The following MACROD2 variants were observed in gnomAD, a reference collection of about 807,000 sequenced individuals.
MACROD2 encodes the protein ADP-ribose glycohydrolase MACROD2.
In MACROD2, 36 loss-of-function variants were observed where a neutral mutation model predicts 70.4. The observed-to-expected ratio is 0.51, with a 90% CI of 0.39 to 0.68. The LOEUF (loss-of-function observed/expected upper bound fraction) is 0.68. Ranked by LOEUF, MACROD2 falls within the 30% of genes least tolerant of loss-of-function variation. The probability of loss-of-function intolerance (pLI) is 0.00; values close to 1 mark genes in which losing one functional copy is unlikely to be tolerated. For synonymous variants in MACROD2, 172 were observed against 178.8 expected (o/e 0.96, Z 0.30); for missense variants, 496 against 538.4 (o/e 0.92, Z 0.78).
chr20:14,934,886 G>A (rs746245862), intron 5 of MACROD2: 1 of 152,154 alleles, frequency 6.6e-6, no homozygotes, highest in East Asian at 1.9e-4. Context: ...TGACCTTTCA[G>A]TTGAAGACAG....
At chr20:15,046,884 A>C (rs1337476368) in intron 5 of MACROD2, among the ~76,000 whole-genome samples, 1 of 152,194 alleles carries the variant, frequency 6.6e-6, no homozygotes, top group Non-Finnish European at 1.5e-5. Context: ...GGAATTTATT[A>C]ATCTGGGCTG....
At chr20:14,324,429 C>T (rs2082702841) in intron 3 of MACROD2, 1 of 152,430 alleles carries the variant, frequency 6.6e-6, no homozygotes, top group Non-Finnish European at 1.5e-5. Flanking sequence ...CAGTAATGGG[C>T]AGTATTCTTG....
At chr20:15,970,455 A>G (rs1346581780) in intron 13 of MACROD2, among the ~76,000 whole-genome samples, 1 of 152,166 alleles carries the variant, frequency 6.6e-6, no homozygotes, top group East Asian at 1.9e-4. Context: ...TAAGATGAAG[A>G]GTAAAAGTAC....
intron 6 of MACROD2, among the ~76,000 whole-genome samples, chr20:15,318,303 G>A (rs2077836450): frequency 6.6e-6 from 1 of 152,070 alleles, no homozygotes; most frequent in Non-Finnish European, 1.5e-5. Context: ...AATTTGAACA[G>A]ATTTATATAA....
intron 3 of MACROD2, among the ~76,000 whole-genome samples, chr20:14,448,682 A>G (rs2084211494): frequency 6.6e-6 from 1 of 151,918 alleles, no homozygotes; most frequent in South Asian, 2.1e-4. Flanking sequence ...AAAAAAAAGA[A>G]AGAAAGAAAG....
intron 4 of MACROD2, among the ~76,000 whole-genome samples, chr20:14,503,765 G>T (rs1348156420): frequency 1.3e-5 from 2 of 152,162 alleles, no homozygotes; most frequent in Non-Finnish European, 2.9e-5. Context: ...CACACCAAAG[G>T]CCTCACACTT....
intron 3 of MACROD2, among the ~76,000 whole-genome samples, chr20:14,286,763 T>A (rs2082348239): frequency 6.6e-6 from 1 of 152,196 alleles, no homozygotes; most frequent in African/African-American, 2.4e-5. Context: ...CGAAATGCTC[T>A]GAAAGATGCT....
At chr20:14,859,024 T>C (rs2073285596) in intron 5 of MACROD2, among the ~76,000 whole-genome samples, 1 of 152,010 alleles carries the variant, frequency 6.6e-6, no homozygotes, top group South Asian at 2.1e-4. Context: ...AGGGCTTCAC[T>C]ATGATGATGC....
At chr20:15,933,439 C>A in intron 11 of MACROD2, 101 bp downstream of exon 11, 1 of 1,060,018 alleles carries the variant, frequency 9.4e-7, no homozygotes, top group Non-Finnish European at 1.4e-6. Flanking sequence ...ATACATTTCA[C>A]CAGATGAACT....
intron 4 of MACROD2, among the ~76,000 whole-genome samples, chr20:14,679,419 G>A (rs1489483551): frequency 2.0e-5 from 3 of 152,120 alleles, no homozygotes; most frequent in Non-Finnish European, 2.9e-5. Flanking sequence ...TGTGAAGGGA[G>A]AAAGTGTAGG....
chr20:15,751,011 A>G (rs760187682), intron 8 of MACROD2, among the ~76,000 whole-genome samples: 2 of 151,988 alleles, frequency 1.3e-5, no homozygotes, highest in African/African-American at 2.4e-5. Context: ...GGGAGAAGAG[A>G]ATGGGAGAGA....
Position 14,262,192 on chromosome 20 carries a change from A to G in MACROD2, c.271+176464A>G, listed in dbSNP as rs1043162810. 2.0e-5 allele frequency among the ~76,000 whole-genome samples: 3 copies of G among 152,172 alleles called. No individual in the cohort carries two copies. In the East Asian group the frequency reaches 5.8e-4, roughly 29 times the overall value. ...AAGTTAGGCAGAGGCTAAGTATAAA[A>G]GATCTTTTAATCTTGCAGGTAGTGG... On this transcript the variant is annotated intron_variant, in intron 3 of 17. Coordinates refer to ENST00000684519, the MANE Select transcript of MACROD2 (RefSeq NM_001351661.2).
In MACROD2 at chr20:15,678,392, C is replaced by T. The variant is rs539706386; in HGVS notation, c.645+178545C>T. Among the ~76,000 whole-genome samples, 100 of 151,494 alleles carry T rather than the reference C, an allele frequency of 6.6e-4. 2 individuals carry two copies. Among genetic ancestry groups the T allele is most frequent in the Admixed American group, 1.2e-3 (18 of 15,248 alleles). ...TTTTTTTTTTTGAGACGGAGTCTCGCTCTGTAGCCCAGGCTGGAGTGCAGT... is the reference window on the plus strand; with the variant it reads ...TTTTTTTTTTTGAGACGGAGTCTCGTTCTGTAGCCCAGGCTGGAGTGCAGT... On this transcript the variant is annotated intron_variant, in intron 8 of 17. Transcript: ENST00000684519.
intron 5 of MACROD2, among the ~76,000 whole-genome samples, chr20:14,936,138 A>G (rs1253620073): frequency 6.6e-6 from 1 of 152,202 alleles, no homozygotes; most frequent in Non-Finnish European, 1.5e-5. Flanking sequence ...AGTATGTGGT[A>G]TAAAGAAAAC....
intron 8 of MACROD2, among the ~76,000 whole-genome samples, chr20:15,786,814 A>C (rs1035748120): frequency 1.3e-5 from 2 of 152,240 alleles, no homozygotes; most frequent in African/African-American, 4.8e-5. Flanking sequence ...TGGGGATTAT[A>C]GTTATAAATA....
chr20:14,266,818 C>T (rs2082148369), intron 3 of MACROD2, among the ~76,000 whole-genome samples: 1 of 152,076 alleles, frequency 6.6e-6, no homozygotes, highest in Non-Finnish European at 1.5e-5. Flanking sequence ...AGGTAGCTTG[C>T]TAGAAGTCAG....
At chr20:14,933,330 T>C (rs1329806963) in intron 5 of MACROD2, among the ~76,000 whole-genome samples, 1 of 152,168 alleles carries the variant, frequency 6.6e-6, no homozygotes, top group Non-Finnish European at 1.5e-5. Flanking sequence ...CAAATTATGT[T>C]CTCTGAATCT....
intron 5 of MACROD2, among the ~76,000 whole-genome samples, chr20:14,836,054 A>G (rs2073025900): frequency 6.6e-6 from 1 of 152,078 alleles, no homozygotes; most frequent in Non-Finnish European, 1.5e-5. Context: ...ATTCCCCCAA[A>G]GAGTAGATTA....
chr20:14,039,663 C>T (rs148950159), intron 2 of MACROD2, among the ~76,000 whole-genome samples: 3 of 152,158 alleles, frequency 2.0e-5, no homozygotes, highest in African/African-American at 7.2e-5. Flanking sequence ...TATAAAACAT[C>T]CTGGTAAAAA....
Sources: gnomAD v4.1 joint callset for allele counts (sites outside exome capture counted in the v4.1 genomes callset) on GRCh38, gnomAD v4.1.1 for gene constraint, MANE v1.5 for transcripts, NCBI Gene and HGNC (gene_info 2026-07-23, HGNC 2026-07-21) for gene names.